The following CEP112 variants were observed in gnomAD, a reference collection of about 807,000 sequenced individuals.
The protein encoded by CEP112 is centrosomal protein 112.
A neutral mutation model predicts 153.0 loss-of-function variants in CEP112; 127 were observed. The ratio of observed to expected loss-of-function variants is 0.83; its 90% CI spans 0.72 to 0.96. The LOEUF (loss-of-function observed/expected upper bound fraction) is 0.96, where lower values mean the gene tolerates loss of function less well. Among genes scored for constraint, CEP112 ranks in the 40% least tolerant of loss-of-function variants. The pLI is 0.00. For missense variants in CEP112, 1,089 were observed against 1,101.2 expected (o/e 0.99, Z 0.16); for synonymous variants, 358 against 374.4 (o/e 0.96, Z 0.51).
chr17:65,994,689 T>C (rs7225289), intron 17 of CEP112, among the ~76,000 whole-genome samples: 3,415 of 152,090 alleles, frequency 0.022, 134 homozygotes, highest in African/African-American at 0.078. Context: ...TCTAGGAGAA[T>C]AGGATGTGGG....
intron 17 of CEP112, among the ~76,000 whole-genome samples, chr17:65,967,605 T>C (rs73992163): frequency 0.066 from 9,998 of 152,132 alleles, 478 homozygotes; most frequent in African/African-American, 0.12. Context: ...AAATTTTAAG[T>C]GCTAAAAGAA....
At chr17:65,956,348 G>A (rs1346604334) in intron 18 of CEP112, among the ~76,000 whole-genome samples, 1 of 151,448 alleles carries the variant, frequency 6.6e-6, no homozygotes, top group East Asian at 1.9e-4. Context: ...TATGGAACCA[G>A]CCCAAATGCC....
At chr17:65,937,655 G>T (rs1244783250) in intron 18 of CEP112, among the ~76,000 whole-genome samples, 1 of 96,214 alleles carries the variant, frequency 1.0e-5, no homozygotes, top group Non-Finnish European at 2.1e-5. Context: ...CGCCCTGTCC[G>T]GGAGGTGAGG....
At chr17:65,966,198 T>C (rs2062408773) in intron 17 of CEP112, among the ~76,000 whole-genome samples, 1 of 152,036 alleles carries the variant, frequency 6.6e-6, no homozygotes, top group South Asian at 2.1e-4. Flanking sequence ...TCTGAGTATA[T>C]AAAGGATAAA....
chr17:65,652,045 C>A (rs2045809324), intron 24 of CEP112, among the ~76,000 whole-genome samples: 1 of 152,048 alleles, frequency 6.6e-6, no homozygotes, highest in African/African-American at 2.4e-5. Flanking sequence ...ATACAAATGG[C>A]AAAAAATGCT....
At chr17:65,849,678 C>G (rs761130188) in intron 21 of CEP112, among the ~76,000 whole-genome samples, 1 of 152,152 alleles carries the variant, frequency 6.6e-6, no homozygotes. Flanking sequence ...TCAAGGTGCA[C>G]AGGTATCTGT....
chr17:65,715,963 G>A (rs1020492926), intron 23 of CEP112, among the ~76,000 whole-genome samples: 2 of 152,104 alleles, frequency 1.3e-5, no homozygotes, highest in Non-Finnish European at 2.9e-5. Flanking sequence ...AAATATGTAG[G>A]AGGAAGTTGA....
chr17:65,902,435 A>T, intron 19 of CEP112, 101 bp from the exon 20 acceptor site: 1 of 932,078 alleles, frequency 1.1e-6, no homozygotes, highest in Admixed American at 3.4e-5. Context: ...CAAGTTGAAA[A>T]TTTTTATTTT....
intron 26 of CEP112, chr17:65,636,893 T>C (rs1214236976): frequency 4.1e-6 from 2 of 485,416 alleles, no homozygotes; most frequent in Non-Finnish European, 7.3e-6. Context: ...ATTACAGGAG[T>C]GAGCCACTGT....
At chr17:65,665,385 G>A (rs1358577625) in intron 24 of CEP112, among the ~76,000 whole-genome samples, 1 of 152,208 alleles carries the variant, frequency 6.6e-6, no homozygotes, top group Admixed American at 6.5e-5. Flanking sequence ...ACTCAAGGGT[G>A]TGCTTCATTA....
Position 66,191,151 on chromosome 17 carries a change from G to A in CEP112, c.-9+846C>T, listed in dbSNP as rs778651736. 6.6e-6 allele frequency among the ~76,000 whole-genome samples: 1 copy of A among 152,094 alleles called. No individual in the cohort carries two copies. The highest frequency in any genetic ancestry group is 1.5e-5 in the Non-Finnish European group (1 of 68,032). The stretch of plus-strand genomic sequence containing the variant: ...GCACCATTTCCATGGTCATTTCACA[G>A]AGGAAGAAGGAAGCTGAGGCTTAAG... On this transcript the variant is annotated intron_variant, in intron 1 of 26. Transcript: ENST00000535342. This position sits in a 1 kb window ranked among gnomAD's most constrained non-coding sequence, Gnocchi z 4.2.
chr17:66,107,749 C>T (rs1158077497), intron 6 of CEP112, among the ~76,000 whole-genome samples: 2 of 152,048 alleles, frequency 1.3e-5, no homozygotes, highest in African/African-American at 4.8e-5. Context: ...AATGCAATTA[C>T]TGTAAAAATA....
chr17:65,725,016 T>A (rs2050098202), intron 23 of CEP112, among the ~76,000 whole-genome samples: 1 of 152,206 alleles, frequency 6.6e-6, no homozygotes, highest in South Asian at 2.1e-4. Context: ...TCAAGTGAGA[T>A]GATCTCATCT....
chr17:65,755,718 T>C (rs1432479004), intron 21 of CEP112, among the ~76,000 whole-genome samples: 1 of 151,872 alleles, frequency 6.6e-6, no homozygotes, highest in Non-Finnish European at 1.5e-5. Context: ...GACTTCAAGA[T>C]TTTTGTCCTA....
intron 20 of CEP112, among the ~76,000 whole-genome samples, chr17:65,863,939 C>G (rs1041467960): frequency 1.3e-5 from 2 of 151,114 alleles, no homozygotes; most frequent in Admixed American, 1.3e-4. Flanking sequence ...GTGAAGAGAT[C>G]GAGACCAACC....
At chr17:65,826,068 G>A in intron 21 of CEP112, 1 of 1,490,898 alleles carries the variant, frequency 6.7e-7, no homozygotes, top group Non-Finnish European at 9.3e-7. Flanking sequence ...GCCTAACTCA[G>A]CTCAGCAATG....
At chr17:65,771,434 A>T (rs975073153) in intron 21 of CEP112, among the ~76,000 whole-genome samples, 8 of 152,310 alleles carry the variant, frequency 5.3e-5, no homozygotes, top group African/African-American at 1.9e-4. Context: ...CAAATTCACA[A>T]ATGACAACTG....
At chr17:65,773,472 T>C (rs2053501622) in intron 21 of CEP112, among the ~76,000 whole-genome samples, 1 of 152,200 alleles carries the variant, frequency 6.6e-6, no homozygotes, top group Non-Finnish European at 1.5e-5. Context: ...ATTGTGGTGA[T>C]GGTATACAAT....
At chr17:66,013,263 G>A (rs1002794303) in intron 16 of CEP112, among the ~76,000 whole-genome samples, 1 of 152,164 alleles carries the variant, frequency 6.6e-6, no homozygotes, top group Admixed American at 6.5e-5. Flanking sequence ...GAACTAGTGT[G>A]GGTGTCTGTA....
Sources: allele counts gnomAD v4.1 joint callset (sites outside exome capture counted in the v4.1 genomes callset), GRCh38; gene constraint gnomAD v4.1.1; non-coding constraint Gnocchi (gnomAD v3.1); transcripts MANE v1.5; gene names NCBI Gene and HGNC (gene_info 2026-07-23, HGNC 2026-07-21).